Variants in UCP2 observed in about 807,000 individuals in gnomAD.
UCP2 encodes the protein uncoupling protein 2.
Under a neutral mutation model 31.3 loss-of-function variants are expected in UCP2, and 27 were observed. The ratio of observed to expected loss-of-function variants is 0.86; its 90% CI spans 0.64 to 1.19. The LOEUF (loss-of-function observed/expected upper bound fraction) is 1.19. Ranked by LOEUF, UCP2 falls within the 50% of genes most tolerant of loss-of-function variation. The pLI is 0.00. For missense variants in UCP2, 377 were observed against 413.5 expected (o/e 0.91, Z 0.76); for synonymous variants, 142 against 157.4 (o/e 0.90, Z 0.73).
intron 1 of UCP2, among the ~76,000 whole-genome samples, chr11:73,982,309 G>A (rs1951472224): frequency 6.6e-6 from 1 of 152,240 alleles, no homozygotes; most frequent in South Asian, 2.1e-4. Context: ...AGCACAGGCC[G>A]GACCCGGAGG....
rs1480848700 is a variant in UCP2 at position 73,976,546 on chromosome 11, G to A, written c.634+95C>T. 6.0e-6 allele frequency: 6 copies of A among 1,003,176 alleles called. No individual in the cohort carries two copies. In the African/African-American group the frequency reaches 6.3e-5, roughly 11 times the overall value. 62.1% of individuals were successfully genotyped at this position (1,003,176 alleles called of 1,614,324 possible). A position where few individuals can be genotyped will look rare whatever the true frequency, so the allele number is the denominator to read the frequency against. On this transcript the variant is annotated intron_variant, in intron 6 of 7. Transcript: ENST00000663595. Reference sequence around the variant, plus strand: ...TCTCCCTGCAAAGGGCAAATAGGATGAAAAGATGTGGTCTTCTGGTGTCAG... The same window carrying A: ...TCTCCCTGCAAAGGGCAAATAGGATAAAAAGATGTGGTCTTCTGGTGTCAG...
At position 73,975,123 on chromosome 11, in the gene UCP2, T is replaced by C. The variant is rs150573868; in HGVS notation, c.816-2A>G. 174 of 1,609,850 alleles carry C rather than the reference T, an allele frequency of 1.1e-4. No individual in the cohort carries two copies. Among genetic ancestry groups the C allele is most frequent in the Middle Eastern group, 8.2e-4 (5 of 6,082 alleles). On this transcript the variant is annotated splice_acceptor_variant, in intron 7 of 7. Transcript: ENST00000663595. LOFTEE classifies it high-confidence loss of function. ...AAGCGGAGAAAGGAGGGCATGAACC[T>C]AGAGGAGAAAAATCACAGGTCATGG...
chr11:73,978,509 A>G, intron 2 of UCP2, 32 bp from the exon 3 acceptor site: 1 of 1,360,564 alleles, frequency 7.3e-7, no homozygotes. Flanking sequence ...CCCATTAGCC[A>G]CAATGTCCCC....
intron 1 of UCP2, among the ~76,000 whole-genome samples, chr11:73,982,391 AGCCT>A (rs1473903997): frequency 6.6e-6 from 1 of 152,186 alleles, no homozygotes. Context: ...GTTCGAGGCC[AGCCT>A]GGCCAACATG....
chr11:73,975,635 G>A lies in UCP2; in HGVS notation c.671C>T (p.Ala224Val). The change falls in exon 7 of 8, where the codon GCA becomes GTA. Residue 224 changes from alanine (A) to valine (V), a missense_variant. By Grantham distance (64) the Ala-to-Val change is moderately conservative. Transcript: ENST00000663595. Reference protein sequence around the residue: ...LPCHFTSAFGAGFCTTVIASP... With the variant: ...LPCHFTSAFGVGFCTTVIASP... The stretch of plus-strand genomic sequence containing the variant: ...GGCGATGACAGTGGTGCAGAAGCCT[G>A]CCCCAAAGGCAGAAGTGAAGTGGCA... The A allele has an allele frequency of 6.2e-7, 1 of 1,614,234 alleles. No homozygotes were observed. The highest frequency in any genetic ancestry group is 1.7e-5 in the Admixed American group (1 of 60,034).
At chr11:73,979,765 CTG>C (rs1274706495) in intron 2 of UCP2, among the ~76,000 whole-genome samples, 2 of 151,056 alleles carry the variant, frequency 1.3e-5, no homozygotes, top group Non-Finnish European at 2.9e-5. Context: ...CTGCAGTGAG[CTG>C]TGATTGTGCC....
At chr11:73,981,845 C>T (rs1426563558) in intron 1 of UCP2, among the ~76,000 whole-genome samples, 1 of 146,510 alleles carries the variant, frequency 6.8e-6, no homozygotes, top group Non-Finnish European at 1.5e-5. Flanking sequence ...TGGTTCTCAT[C>T]CAGACTTCTG....
At chr11:73,978,180 C>A (rs1162700953) in intron 3 of UCP2, 73 bp downstream of exon 3, 2 of 1,613,880 alleles carry the variant, frequency 1.2e-6, no homozygotes, top group South Asian at 2.2e-5. Context: ...AAACACTGGC[C>A]CTTGAGGGGT....
intron 2 of UCP2, among the ~76,000 whole-genome samples, chr11:73,980,387 T>C (rs1411740764): frequency 6.6e-6 from 1 of 152,306 alleles, no homozygotes; most frequent in South Asian, 2.1e-4. Context: ...ATACTCACCA[T>C]AGCAACTACA....
chr11:73,975,762 A>AT, intron 6 of UCP2, 91 bp from the exon 7 acceptor site: 1 of 1,504,182 alleles, frequency 6.6e-7, no homozygotes, highest in Non-Finnish European at 9.2e-7. Context: ...AGTTTTCATG[A>AT]TTTTAAAGAG....
intron 6 of UCP2, 45 bp downstream of exon 6, chr11:73,976,596 C>T: frequency 1.3e-6 from 2 of 1,502,988 alleles, no homozygotes; most frequent in Non-Finnish European, 1.9e-6. Flanking sequence ...CTGCTCCTGG[C>T]ATGGGGGAAG....
In UCP2 at chr11:73,976,847, C is replaced by T. The variant is rs1951354965; in HGVS notation, c.508G>A (p.Glu170Lys). ...CCTTTCCAGAGGCCCCGGAACCCTT[C>T]CTCTCGGGCAATGGTCTTGTAGGCA... ...VNAYKTIARE[E>K]GFRGLWKGTS... Residue 170 changes from glutamate to lysine, a missense_variant, in exon 5 of 8, where the codon GAA (glutamate) becomes AAA (lysine). Glu to Lys is a moderately conservative substitution (Grantham distance 56). Transcript: ENST00000663595. The T allele has an allele frequency of 1.2e-6, 2 of 1,614,236 alleles. No homozygotes were observed. The highest frequency in any genetic ancestry group is 1.7e-6 in the Non-Finnish European group (2 of 1,180,038).
chr11:73,979,246 G>C (rs1299034524), intron 2 of UCP2, among the ~76,000 whole-genome samples: 1 of 152,222 alleles, frequency 6.6e-6, no homozygotes, highest in Non-Finnish European at 1.5e-5. Context: ...AAGAGTGGGT[G>C]ATCAGAAAAG....
intron 2 of UCP2, among the ~76,000 whole-genome samples, chr11:73,980,439 C>T (rs139247174): frequency 7.4e-4 from 113 of 152,320 alleles, no homozygotes; most frequent in African/African-American, 2.3e-3. Context: ...TCCTGTTTCC[C>T]TCCAGCTTGC....
intron 2 of UCP2, chr11:73,979,829 A>C (rs990906309): frequency 5.4e-4 from 82 of 151,180 alleles, no homozygotes; most frequent in African/African-American, 1.9e-3. Flanking sequence ...AAAAAAAAAA[A>C]AACAAACCCC....
In UCP2 at chr11:73,975,072, C is replaced by T. The variant is rs769381741; in HGVS notation, c.865G>A (p.Val289Ile). The T allele has an allele frequency of 2.3e-5, 37 of 1,613,570 alleles. No homozygotes were observed. The highest frequency in any genetic ancestry group is 2.9e-5 in the Non-Finnish European group (34 of 1,179,878). The change falls in exon 8 of 8, where the codon GTC (valine) becomes ATC (isoleucine). Residue 289 changes from valine to isoleucine, a missense_variant. Coordinates refer to ENST00000663595, the MANE Select transcript of UCP2 (RefSeq NM_003355.3). ...GCTCGTTTCAGCTGCTCATAGGTGA[C>T]GAACATCACCACGTTCCAGGAACCC... The part of the protein sequence containing the change: ...RLGSWNVVMF[V>I]TYEQLKRALM...
intron 2 of UCP2, among the ~76,000 whole-genome samples, chr11:73,979,082 T>C (rs1951408850): frequency 6.6e-6 from 1 of 152,234 alleles, no homozygotes; most frequent in Non-Finnish European, 1.5e-5. Context: ...GGGCAGTGGT[T>C]CACTGAGATG....
chr11:73,975,617 A>G lies in UCP2; in HGVS notation c.689T>C (p.Val230Ala), dbSNP rs751385904. The G allele has an allele frequency of 6.2e-7, 1 of 1,614,238 alleles. No individual in the cohort carries two copies. The highest frequency in any genetic ancestry group is 8.5e-7 in the Non-Finnish European group (1 of 1,180,038). ...SAFGAGFCTT[V>A]IASPVDVVKT... ...GACCACGTCTACAGGGGAGGCGATG[A>G]CAGTGGTGCAGAAGCCTGCCCCAAA... Residue 230 changes from valine (V) to alanine (A), a missense_variant, in exon 7 of 8, where the codon GTC (valine) becomes GCC (alanine). By Grantham distance (64) the Val-to-Ala change is moderately conservative. Transcript: ENST00000663595.
chr11:73,975,179 G>A, intron 7 of UCP2, 58 bp from the exon 8 acceptor site: 5 of 1,462,826 alleles, frequency 3.4e-6, no homozygotes, highest in South Asian at 1.2e-5. Flanking sequence ...TCCCTCACTG[G>A]GCCTGGTATT....
Sources: allele counts gnomAD v4.1 joint callset (sites outside exome capture counted in the v4.1 genomes callset), GRCh38; gene constraint gnomAD v4.1.1; transcripts MANE v1.5; gene names NCBI Gene and HGNC (gene_info 2026-07-23, HGNC 2026-07-21).